Variants in MAML2 observed in about 807,000 individuals in gnomAD.
The protein encoded by MAML2 is mastermind-like protein 2.
MAML2 carries 22 observed loss-of-function variants against 96.1 expected under a neutral mutation model. That is an observed-to-expected ratio of 0.23 (90% CI 0.16 to 0.33). The LOEUF is 0.33. MAML2 is among the 10% of genes least tolerant of loss of function. MAML2 has a pLI of 1.00. For synonymous variants in MAML2, 561 were observed against 521.3 expected (o/e 1.08, Z -1.04); for missense variants, 1,367 against 1,392.4 (o/e 0.98, Z 0.29).
At chr11:96,311,400 T>C (rs757644874) in intron 1 of MAML2, among the ~76,000 whole-genome samples, 3 of 152,236 alleles carry the variant, frequency 2.0e-5, no homozygotes, top group Non-Finnish European at 4.4e-5. Flanking sequence ...TAAAATCAAA[T>C]TGTGATTCTG....
At chr11:96,220,757 T>C (rs1862124732) in intron 1 of MAML2, among the ~76,000 whole-genome samples, 1 of 152,154 alleles carries the variant, frequency 6.6e-6, no homozygotes, top group East Asian at 1.9e-4. Context: ...TTTAAAAAAA[T>C]ACAAGTTTCA....
intron 2 of MAML2, among the ~76,000 whole-genome samples, chr11:96,030,423 G>A (rs749777950): frequency 4.6e-5 from 7 of 151,986 alleles, no homozygotes; most frequent in Admixed American, 1.3e-4. Flanking sequence ...ATGGACTAGG[G>A]AGTCCAGAAA....
chr11:96,185,587 G>A (rs12272925), intron 1 of MAML2, among the ~76,000 whole-genome samples: 2,969 of 152,320 alleles, frequency 0.019, 102 homozygotes, highest in African/African-American at 0.068. Flanking sequence ...AGATGAACAT[G>A]TGGGCCGCAG....
intron 1 of MAML2, among the ~76,000 whole-genome samples, chr11:96,326,806 C>A (rs956989716): frequency 4.0e-5 from 6 of 151,206 alleles, no homozygotes; most frequent in African/African-American, 1.5e-4. Context: ...AAAAAAAAAA[C>A]TATCTTGAGT....
intron 1 of MAML2, among the ~76,000 whole-genome samples, chr11:96,176,500 G>A (rs985204289): frequency 6.6e-5 from 10 of 152,242 alleles, no homozygotes; most frequent in South Asian, 4.1e-4. Context: ...TCTATTCTGC[G>A]GTGCTGCTGA....
At chr11:96,310,579 A>G (rs1863527863) in intron 1 of MAML2, among the ~76,000 whole-genome samples, 1 of 152,214 alleles carries the variant, frequency 6.6e-6, no homozygotes, top group South Asian at 2.1e-4. Flanking sequence ...TAAAGCAAGA[A>G]ACATGTAAGC....
At chr11:96,044,229 G>T (rs1412246810) in intron 2 of MAML2, among the ~76,000 whole-genome samples, 1 of 152,238 alleles carries the variant, frequency 6.6e-6, no homozygotes, top group Non-Finnish European at 1.5e-5. Flanking sequence ...GGCGTGCCTG[G>T]AAGGGTTTTG....
intron 1 of MAML2, among the ~76,000 whole-genome samples, chr11:96,250,519 T>C (rs956728237): frequency 6.6e-6 from 1 of 152,250 alleles, no homozygotes; most frequent in South Asian, 2.1e-4. Flanking sequence ...GCTGTAATTT[T>C]GTATCATTTA....
intron 1 of MAML2, among the ~76,000 whole-genome samples, chr11:96,282,993 A>G (rs1181730548): frequency 1.3e-5 from 2 of 152,366 alleles, no homozygotes; most frequent in Non-Finnish European, 2.9e-5. Context: ...GCCAGGGAAT[A>G]GAAACAAGTG....
chr11:96,021,685 G>C (rs954081263), intron 2 of MAML2, among the ~76,000 whole-genome samples: 1 of 152,234 alleles, frequency 6.6e-6, no homozygotes, highest in Non-Finnish European at 1.5e-5. Context: ...TAGTCCAAGA[G>C]TGACTATGAT....
intron 1 of MAML2, among the ~76,000 whole-genome samples, chr11:96,283,530 C>G (rs1330208231): frequency 6.6e-6 from 1 of 152,136 alleles, no homozygotes; most frequent in Non-Finnish European, 1.5e-5. Context: ...TTCCTTTTGC[C>G]TTGAAGAACT....
In MAML2 at chr11:95,979,807, C is replaced by T; in HGVS notation, c.2612G>A (p.Gly871Glu). Residue 871 changes from glycine (G) to glutamate (E), a missense_variant, in exon 5 of 5, where the codon GGA becomes GAA. Transcript: ENST00000524717. ...GTTAGGTTGATTACAAGGCAGATTT[C>T]CATACATCCCCATATTCTGAACTGC... is the stretch of plus-strand genomic sequence containing the variant. ...STAVQNMGMY[G>E]NLPCNQPNTY... The T allele has an allele frequency of 6.2e-7, 1 of 1,613,912 alleles. No individual in the cohort carries two copies. Among genetic ancestry groups the T allele is most frequent in the Non-Finnish European group, 8.5e-7 (1 of 1,179,868 alleles).
intron 1 of MAML2, among the ~76,000 whole-genome samples, chr11:96,115,637 C>A (rs917577160): frequency 6.6e-6 from 1 of 152,104 alleles, no homozygotes; most frequent in African/African-American, 2.4e-5. Context: ...CTGTCATACA[C>A]GTGTTCAAGG....
intron 2 of MAML2, among the ~76,000 whole-genome samples, chr11:96,031,935 G>C (rs1858622390): frequency 6.6e-6 from 1 of 151,960 alleles, no homozygotes; most frequent in Non-Finnish European, 1.5e-5. Context: ...GCAGTGAGCT[G>C]AGATTGCGCC....
chr11:96,108,053 C>T (rs117634028), intron 1 of MAML2, among the ~76,000 whole-genome samples: 1,886 of 152,276 alleles, frequency 0.012, 18 homozygotes, highest in Middle Eastern at 0.031. Context: ...TATAGCTTGT[C>T]GGTCAGAAGC....
chr11:96,165,528 T>C (rs1399715038), intron 1 of MAML2, among the ~76,000 whole-genome samples: 1 of 152,226 alleles, frequency 6.6e-6, no homozygotes, highest in East Asian at 1.9e-4. Context: ...AATATTTACA[T>C]TTTACATATC....
intron 1 of MAML2, among the ~76,000 whole-genome samples, chr11:96,183,404 C>A (rs574504015): frequency 3.2e-4 from 4 of 12,544 alleles, no homozygotes; most frequent in Non-Finnish European, 7.7e-4. Context: ...CCCCCCCCCC[C>A]CTTTCTTTTG....
At chr11:96,097,958 G>A (rs780131916) in intron 1 of MAML2, among the ~76,000 whole-genome samples, 9 of 152,190 alleles carry the variant, frequency 5.9e-5, no homozygotes, top group East Asian at 3.8e-4. Flanking sequence ...GACATGTCTC[G>A]TTCCAAAGTC....
At chr11:96,334,375 G>T (rs1167453351) in intron 1 of MAML2, among the ~76,000 whole-genome samples, 2 of 152,168 alleles carry the variant, frequency 1.3e-5, no homozygotes, top group African/African-American at 4.8e-5. Flanking sequence ...GCTCTAAGAT[G>T]TTAGTTCTAT....
Sources: allele counts gnomAD v4.1 joint callset (sites outside exome capture counted in the v4.1 genomes callset), GRCh38; gene constraint gnomAD v4.1.1; transcripts MANE v1.5; gene names NCBI Gene and HGNC (gene_info 2026-07-23, HGNC 2026-07-21).